The following TENM4 variants were observed in gnomAD, a reference collection of about 807,000 sequenced individuals.
TENM4 encodes the protein teneurin-4.
TENM4 carries 82 observed loss-of-function variants against 243.3 expected under a neutral mutation model. That is an observed-to-expected ratio of 0.34 (90% CI 0.28 to 0.40). The LOEUF (loss-of-function observed/expected upper bound fraction) is 0.40. TENM4 is among the 10% of genes least tolerant of loss of function. The pLI is 1.00. For missense variants in TENM4, 3,138 were observed against 3,673.3 expected (o/e 0.85, Z 3.77); for synonymous variants, 1,412 against 1,456.3 (o/e 0.97, Z 0.69).
chr11:79,138,998 A>AAAATATATATTATATTTCTAT (rs1862194021), intron 4 of TENM4, among the ~76,000 whole-genome samples: 4 of 49,510 alleles, frequency 8.1e-5, no homozygotes, highest in Admixed American at 3.3e-4. Flanking sequence ...ATAAATATAT[A>AAAATATATATTATATTTCTAT]AAATATATAT....
intron 2 of TENM4, among the ~76,000 whole-genome samples, chr11:79,233,091 C>CA (rs1276323034): frequency 4.6e-5 from 7 of 152,196 alleles, no homozygotes; most frequent in African/African-American, 1.7e-4. Flanking sequence ...GCCCTGACCC[C>CA]ATGCCAGCCC....
chr11:79,072,804 G>C (rs1217708632), intron 4 of TENM4, among the ~76,000 whole-genome samples: 1 of 152,040 alleles, frequency 6.6e-6, no homozygotes, highest in Non-Finnish European at 1.5e-5. Flanking sequence ...TAATGATGAT[G>C]ATAATAATAA....
intron 12 of TENM4, among the ~76,000 whole-genome samples, chr11:78,839,633 T>C (rs1858205076): frequency 6.6e-6 from 1 of 152,226 alleles, no homozygotes; most frequent in African/African-American, 2.4e-5. Flanking sequence ...TCATATCTTA[T>C]CTTGGACAAA....
intron 6 of TENM4, among the ~76,000 whole-genome samples, chr11:78,935,300 C>T (rs370733568): frequency 2.0e-5 from 3 of 152,158 alleles, no homozygotes; most frequent in Admixed American, 6.5e-5. Flanking sequence ...CGTGAGCCAC[C>T]GCGCCTGGCC....
At chr11:79,199,082 A>C (rs557770723) in intron 3 of TENM4, among the ~76,000 whole-genome samples, 10 of 152,276 alleles carry the variant, frequency 6.6e-5, no homozygotes, top group Admixed American at 4.6e-4. Flanking sequence ...GAATGAGTCA[A>C]GATGTGAGTA....
chr11:79,026,560 C>A (rs1354583059), intron 6 of TENM4, among the ~76,000 whole-genome samples: 2 of 152,188 alleles, frequency 1.3e-5, no homozygotes, highest in Non-Finnish European at 2.9e-5. Flanking sequence ...GTCCTAGAAC[C>A]TAATCAGTGG....
intron 2 of TENM4, among the ~76,000 whole-genome samples, chr11:79,218,965 C>G (rs940952281): frequency 4.6e-5 from 7 of 152,314 alleles, no homozygotes; most frequent in East Asian, 1.9e-4. Flanking sequence ...AGAAGCAAAT[C>G]CTGCTTTTGG....
At chr11:78,985,965 G>A (rs1036603442) in intron 6 of TENM4, among the ~76,000 whole-genome samples, 9 of 152,156 alleles carry the variant, frequency 5.9e-5, no homozygotes, top group African/African-American at 1.9e-4. Flanking sequence ...TGCATCTAAT[G>A]GAGCCTTTTC....
chr11:78,771,871 C>A (rs113375963), intron 17 of TENM4, among the ~76,000 whole-genome samples: 2 of 152,170 alleles, frequency 1.3e-5, no homozygotes, highest in African/African-American at 2.4e-5. Flanking sequence ...GCTCTCATTA[C>A]GCTCATATGC....
chr11:79,226,222 A>G (rs756912341), intron 2 of TENM4, among the ~76,000 whole-genome samples: 5 of 152,146 alleles, frequency 3.3e-5, no homozygotes, highest in Non-Finnish European at 7.4e-5. Flanking sequence ...GCCCAGCCAA[A>G]TCCCTCATCG....
chr11:79,298,719 G>A (rs1393676337), intron 1 of TENM4, among the ~76,000 whole-genome samples: 1 of 152,044 alleles, frequency 6.6e-6, no homozygotes, highest in African/African-American at 2.4e-5. Flanking sequence ...CACCCTGGGA[G>A]AGTTTACAGG....
intron 6 of TENM4, among the ~76,000 whole-genome samples, chr11:78,961,396 G>T (rs1030983599): frequency 6.6e-6 from 1 of 152,144 alleles, no homozygotes; most frequent in Non-Finnish European, 1.5e-5. Flanking sequence ...AAGCACCTTG[G>T]CTCAAGTCTA....
intron 12 of TENM4, among the ~76,000 whole-genome samples, chr11:78,850,624 C>T (rs548256268): frequency 6.6e-6 from 1 of 152,180 alleles, no homozygotes; most frequent in Admixed American, 6.5e-5. Flanking sequence ...GAGAAAAAAA[C>T]AGTATTCATT....
chr11:78,760,190 T>C (rs1250489087), intron 18 of TENM4, among the ~76,000 whole-genome samples: 2 of 152,172 alleles, frequency 1.3e-5, no homozygotes, highest in Non-Finnish European at 2.9e-5. Context: ...CCACAGAGGT[T>C]TGAGGGATGA....
chr11:79,219,355 T>A (rs762389372), intron 2 of TENM4, among the ~76,000 whole-genome samples: 4 of 152,158 alleles, frequency 2.6e-5, no homozygotes, highest in Non-Finnish European at 4.4e-5. Context: ...AGCCTCTGAG[T>A]GCTGTTGAGC....
chr11:78,755,145 T>C (rs1856277379), intron 19 of TENM4, among the ~76,000 whole-genome samples: 1 of 152,098 alleles, frequency 6.6e-6, no homozygotes, highest in Admixed American at 6.5e-5. Context: ...TCTTTTCTCA[T>C]TACATATTCC....
intron 4 of TENM4, among the ~76,000 whole-genome samples, chr11:79,121,503 T>C (rs1243830886): frequency 6.6e-6 from 1 of 152,206 alleles, no homozygotes; most frequent in Non-Finnish European, 1.5e-5. Flanking sequence ...TAGCTTTATT[T>C]TAGGCATAAA....
At chr11:78,774,976 C>A (rs1009321015) in intron 17 of TENM4, among the ~76,000 whole-genome samples, 8 of 152,152 alleles carry the variant, frequency 5.3e-5, no homozygotes, top group African/African-American at 1.7e-4. Context: ...AATCACAAAC[C>A]ATACTTCTGA....
intron 3 of TENM4, among the ~76,000 whole-genome samples, chr11:79,164,134 T>C: frequency 8.4e-6 from 1 of 118,412 alleles, no homozygotes; most frequent in South Asian, 2.5e-4. Context: ...GTATATATAG[T>C]ATATATGTAT....
Sources: allele counts gnomAD v4.1 joint callset (sites outside exome capture counted in the v4.1 genomes callset), GRCh38; gene constraint gnomAD v4.1.1; transcripts MANE v1.5; gene names NCBI Gene and HGNC (gene_info 2026-07-23, HGNC 2026-07-21).